NOMO1: variants seen among roughly 807,000 people sequenced by gnomAD.
NOMO1 encodes nodal modulator 3.
A neutral mutation model predicts 133.8 loss-of-function variants in NOMO1; 40 were observed. That is an observed-to-expected ratio of 0.30 (90% confidence interval 0.23 to 0.39). The LOEUF is 0.39. Ranked by LOEUF, NOMO1 falls within the 10% of genes least tolerant of loss-of-function variation. The pLI is 1.00. For synonymous variants in NOMO1, 236 were observed against 570.5 expected (o/e 0.41, Z 8.36); for missense variants, 462 against 1,419.9 (o/e 0.33, Z 10.84).
chr16:14,853,671 GT>G, intron 8 of NOMO1, 67 bp downstream of exon 8: 2 of 1,610,338 alleles, frequency 1.2e-6, no homozygotes, highest in Non-Finnish European at 8.5e-7. Context: ...AGCCAATGCT[GT>G]TTGGGTGTTA....
intron 11 of NOMO1, chr16:14,862,573 T>C (rs1963935906): frequency 5.6e-6 from 1 of 178,872 alleles, no homozygotes; most frequent in African/African-American, 2.4e-5. Flanking sequence ...CCTGACTTAT[T>C]TGATGGCCTG....
intron 5 of NOMO1, 103 bp downstream of exon 5, chr16:14,846,786 T>A: frequency 6.3e-7 from 1 of 1,590,328 alleles, no homozygotes; most frequent in Non-Finnish European, 8.6e-7. Flanking sequence ...TGGGTTCAGA[T>A]CCTGATTCAG....
chr16:14,850,709 G>A (rs1182163560), intron 6 of NOMO1, among the ~76,000 whole-genome samples: 10 of 151,762 alleles, frequency 6.6e-5, no homozygotes, highest in Non-Finnish European at 1.0e-4. Context: ...ATTGATGATA[G>A]TTTCACACCT....
chr16:14,884,609 G>T (rs923595477), intron 27 of NOMO1, 127 bp downstream of exon 27: 17 of 1,388,948 alleles, frequency 1.2e-5, no homozygotes, highest in Admixed American at 1.9e-5. Context: ...GCTCCAGAGC[G>T]CCGCCTGCTG....
At chr16:14,854,747 C>A (rs969033428) in intron 9 of NOMO1, among the ~76,000 whole-genome samples, 46 of 145,838 alleles carry the variant, frequency 3.2e-4, no homozygotes, top group African/African-American at 7.4e-4. Flanking sequence ...GAAAGGAGGT[C>A]GTACAGTATC....
At chr16:14,870,028 A>G (rs1423789862) in intron 16 of NOMO1, among the ~76,000 whole-genome samples, 2 of 150,924 alleles carry the variant, frequency 1.3e-5, no homozygotes, top group Non-Finnish European at 3.0e-5. Context: ...AAGATAAAAT[A>G]CAAACTCCTT....
intron 16 of NOMO1, 40 bp from the exon 17 acceptor site, chr16:14,871,581 T>C (rs1284606863): frequency 1.2e-6 from 2 of 1,611,136 alleles, no homozygotes; most frequent in Non-Finnish European, 1.7e-6. Flanking sequence ...GTGTAATAGA[T>C]GCCATTCTCT....
chr16:14,859,921 A>G (rs564533784), intron 11 of NOMO1, among the ~76,000 whole-genome samples: 1 of 152,142 alleles, frequency 6.6e-6, no homozygotes, highest in South Asian at 2.1e-4. Context: ...CTAGTAGAGA[A>G]GCAACATGCT....
Position 14,836,696 on chromosome 16 carries a change from T to C in NOMO1, c.166-1711T>C, listed in dbSNP as rs867200686. ...TACAAACTGCTTTTTCCATTTTACT[T>C]TTTTTTTTTTTTTTTTTTTTGAGAC... On this transcript the variant is annotated intron_variant, in intron 1 of 30. Transcript: ENST00000287667. Among the ~76,000 whole-genome samples, 12 of 135,210 alleles carry C rather than the reference T, an allele frequency of 8.9e-5. 1 individual carries two copies. Among genetic ancestry groups the C allele is most frequent in the African/African-American group, 3.5e-4 (11 of 31,654 alleles). The allele number at this position is 135,210 out of a possible 152,430, so 88.7% of individuals were successfully genotyped here. A position where few individuals can be genotyped will look rare whatever the true frequency, so the allele number is the denominator to read the frequency against.
intron 6 of NOMO1, among the ~76,000 whole-genome samples, chr16:14,849,545 A>G (rs1963725159): frequency 8.2e-6 from 1 of 122,392 alleles, no homozygotes; most frequent in Non-Finnish European, 1.7e-5. Context: ...TGAAGGAAAT[A>G]TGATTTTAAA....
In NOMO1 at chr16:14,870,057, G is replaced by A. The variant is rs1597106198; in HGVS notation, c.1894+1422G>A. Among the ~76,000 whole-genome samples the A allele has an allele frequency of 2.7e-5, 4 of 149,434 alleles. No individual in the cohort carries two copies. The South Asian group carries it at 8.7e-4, about 32-fold the overall frequency. On this transcript the variant is annotated intron_variant, in intron 16 of 30. Coordinates refer to ENST00000287667, the MANE Select transcript of NOMO1 (RefSeq NM_014287.4). ...ACTCCTTAACCTGATCTTAGCTCCTGTGTAACCCAGCCCTGTCTGCCACTG... is the reference window on the plus strand; with the variant it reads ...ACTCCTTAACCTGATCTTAGCTCCTATGTAACCCAGCCCTGTCTGCCACTG...
At chr16:14,871,429 C>T (rs897321383) in intron 16 of NOMO1, among the ~76,000 whole-genome samples, 192 bp from the exon 17 acceptor site, 21 of 152,062 alleles carry the variant, frequency 1.4e-4, no homozygotes, top group African/African-American at 1.2e-4. Context: ...TTGCATGGAT[C>T]GGGTTATTGG....
chr16:14,894,446 G>C (rs1225937671), intron 29 of NOMO1, among the ~76,000 whole-genome samples: 1 of 151,818 alleles, frequency 6.6e-6, no homozygotes, highest in Non-Finnish European at 1.5e-5. Flanking sequence ...ATTGTCGGTG[G>C]CCCAGATAAA....
chr16:14,873,741 C>G (rs557630831), intron 18 of NOMO1, among the ~76,000 whole-genome samples: 1 of 151,720 alleles, frequency 6.6e-6, no homozygotes, highest in Non-Finnish European at 1.5e-5. Flanking sequence ...TTGCTTGTGC[C>G]GGAGGTTGTA....
rs1365423676 is a variant in NOMO1, at chr16:14,893,414, G to GACCTCAGGTGATCTGCCC, written c.3445-1576_3445-1559dup. ...CTGGCCAGGCTGTTCTCAAACTCCT[G>GACCTCAGGTGATCTGCCC]ACCTCAGGTGATCTGCCCACCTCAG... On this transcript the variant is annotated intron_variant, in intron 29 of 30. Coordinates refer to ENST00000287667, the MANE Select transcript of NOMO1 (RefSeq NM_014287.4). Among the ~76,000 whole-genome samples the GACCTCAGGTGATCTGCCC allele has an allele frequency of 2.0e-5, 3 of 151,518 alleles. No homozygotes were observed. In the East Asian group the frequency reaches 5.9e-4, roughly 30 times the overall value.
intron 11 of NOMO1, chr16:14,862,319 G>A (rs539216584): frequency 1.3e-5 from 2 of 152,436 alleles, no homozygotes; most frequent in South Asian, 2.1e-4. Flanking sequence ...TTGTAGGGGG[G>A]CCTCTCGTGT....
At chr16:14,886,036 C>T (rs1163748681) in intron 27 of NOMO1, among the ~76,000 whole-genome samples, 13 of 151,908 alleles carry the variant, frequency 8.6e-5, no homozygotes, top group African/African-American at 1.9e-4. Context: ...CATTCTCTTG[C>T]GGCAGGTGCA....
chr16:14,846,059 C>T (rs1963676446), intron 4 of NOMO1, among the ~76,000 whole-genome samples: 1 of 139,464 alleles, frequency 7.2e-6, no homozygotes, highest in Non-Finnish European at 1.5e-5. Flanking sequence ...TGGAGTCTCC[C>T]TCTGTCGCCC....
intron 27 of NOMO1, among the ~76,000 whole-genome samples, chr16:14,885,243 CAG>C (rs1567548853): frequency 6.6e-6 from 1 of 151,894 alleles, no homozygotes; most frequent in Non-Finnish European, 1.5e-5. Flanking sequence ...CAAACAGTAT[CAG>C]AGGTGGTGGA....
Sources: allele counts gnomAD v4.1 joint callset (sites outside exome capture counted in the v4.1 genomes callset), GRCh38; gene constraint gnomAD v4.1.1; transcripts MANE v1.5; gene names NCBI Gene and HGNC (gene_info 2026-07-23, HGNC 2026-07-21).